LIPE: variants seen among roughly 807,000 people sequenced by gnomAD.
LIPE encodes the protein lipase E, hormone sensitive type.
In LIPE, 66 loss-of-function variants were observed where a neutral mutation model predicts 88.5. The observed-to-expected ratio is 0.75, with a 90% CI of 0.61 to 0.91. The LOEUF is 0.91. LIPE is among the 40% of genes least tolerant of loss of function. The pLI is 0.00. For missense variants in LIPE, 1,346 were observed against 1,434.7 expected (o/e 0.94, Z 1.00); for synonymous variants, 570 against 617.5 (o/e 0.92, Z 1.14).
chr19:42,424,092 G>A (rs2040659527), intron 1 of LIPE: 1 of 1,189,462 alleles, frequency 8.4e-7, no homozygotes, highest in Non-Finnish European at 1.1e-6. Flanking sequence ...AGAGCCGTTG[G>A]AGGAGGGAGC....
chr19:42,409,589 A>G (rs2147618847), intron 2 of LIPE, among the ~76,000 whole-genome samples: 1 of 152,188 alleles, frequency 6.6e-6, no homozygotes, highest in South Asian at 2.1e-4. Flanking sequence ...GGGGACGGAC[A>G]TTTTAAAGGG....
chr19:42,416,817 C>T (rs191456838), intron 1 of LIPE, among the ~76,000 whole-genome samples: 137 of 152,362 alleles, frequency 9.0e-4, no homozygotes, highest in African/African-American at 2.8e-3. Flanking sequence ...CCAAAGGGCC[C>T]TGGTGGAGTA....
At position 42,410,387 on chromosome 19, in the gene LIPE, C is replaced by T. The variant is rs778648244; in HGVS notation, c.1339G>A (p.Glu447Lys). 1.1e-5 allele frequency: 17 copies of T among 1,613,980 alleles called. No individual in the cohort carries two copies. Among genetic ancestry groups the T allele is most frequent in the Admixed American group, 1.7e-5 (1 of 60,006 alleles). The stretch of plus-strand genomic sequence containing the variant: ...CGGAGGAAGTCGGCGGTGAGCCCCT[C>T]GTCGCCCTCAAAGAAGAGTACCCCC... ...RPGVLFFEGD[E>K]GLTADFLREY... Residue 447 changes from glutamate (E) to lysine (K), a missense_variant, in exon 2 of 10, where the codon GAG becomes AAG. Glu to Lys is a moderately conservative substitution (Grantham distance 56). Coordinates refer to ENST00000244289, the MANE Select transcript of LIPE (RefSeq NM_005357.4). This position sits in a 1 kb window ranked among gnomAD's most constrained non-coding sequence, Gnocchi z 6.1.
chr19:42,425,009 T>C (rs1189578790), intron 1 of LIPE: 2 of 248,348 alleles, frequency 8.1e-6, no homozygotes, highest in Non-Finnish European at 1.6e-5. Context: ...CCTTGGCGGC[T>C]CCCGCACCTC....
chr19:42,416,848 C>T (rs918025548), intron 1 of LIPE, among the ~76,000 whole-genome samples: 2 of 152,170 alleles, frequency 1.3e-5, no homozygotes, highest in African/African-American at 4.8e-5. Flanking sequence ...TTTTCATGCC[C>T]GCTAACACAT....
Position 42,408,584 on chromosome 19 carries a change from G to C in LIPE, c.1420-262C>G. 1 of 481,722 alleles carries C rather than the reference G, an allele frequency of 2.1e-6. No individual in the cohort carries two copies. The highest frequency in any genetic ancestry group is 3.8e-6 in the Non-Finnish European group (1 of 262,382). The allele number at this position is 481,722 out of a possible 1,614,324, so 29.8% of individuals were successfully genotyped here. A position where few individuals can be genotyped will look rare whatever the true frequency, so the allele number is the denominator to read the frequency against. On this transcript the variant is annotated intron_variant, in intron 2 of 9. Transcript: ENST00000244289. This position sits in a 1 kb window ranked among gnomAD's most constrained non-coding sequence, Gnocchi z 4.3. ...GGTTTGGAAAAAAAAAAAGGCAGTAGGTGGAGAGGGCACCAGTGATGACTA... is the reference window on the plus strand; with the variant it reads ...GGTTTGGAAAAAAAAAAAGGCAGTACGTGGAGAGGGCACCAGTGATGACTA...
In LIPE at chr19:42,401,881, G is replaced by T. The variant is rs2039982622; in HGVS notation, c.3162C>A (p.Pro1054=). The change falls in exon 10 of 10, where the codon CCC becomes CCA. Residue 1054 remains proline (P), a synonymous_variant. Transcript: ENST00000244289. ...TCTCCCCGCTCGGCCCGGCTCCGGC[G>T]GGAGGAGTGAGGACGAGGCGGATGC... The part of the protein sequence containing the change: ...VERIRLVLTP[P]AGAGPSGETG... 3.9e-6 allele frequency: 6 copies of T among 1,535,744 alleles called. No individual in the cohort carries two copies. Among genetic ancestry groups the T allele is most frequent in the East Asian group, 5.0e-5 (2 of 40,232 alleles).
chr19:42,408,339 C>T lies in LIPE; in HGVS notation c.1420-17G>A. On this transcript the variant is annotated splice_polypyrimidine_tract_variant and intron_variant, in intron 2 of 9. Transcript: ENST00000244289. This position sits in a 1 kb window ranked among gnomAD's most constrained non-coding sequence, Gnocchi z 4.3. ...AGGCGTGAACTGTGGAGAGACGCGGCTGCGTCACCCACCGCTCAAGAGAGG... is the reference window on the plus strand; with the variant it reads ...AGGCGTGAACTGTGGAGAGACGCGGTTGCGTCACCCACCGCTCAAGAGAGG... The T allele has an allele frequency of 6.2e-7, 1 of 1,605,628 alleles. No homozygotes were observed. The highest frequency in any genetic ancestry group is 1.3e-5 in the African/African-American group (1 of 74,844).
chr19:42,420,238 G>A (rs2040571189), intron 1 of LIPE, among the ~76,000 whole-genome samples: 1 of 152,036 alleles, frequency 6.6e-6, no homozygotes, highest in African/African-American at 2.4e-5. Flanking sequence ...GTTTCTGTGT[G>A]CTGCTCCCTC....
At chr19:42,412,383 G>C in intron 1 of LIPE, 1 of 985,874 alleles carries the variant, frequency 1.0e-6, no homozygotes, top group Non-Finnish European at 1.2e-6. Flanking sequence ...GGCATCTTCC[G>C]AGCTTCCCTG....
At position 42,424,612 on chromosome 19, in the gene LIPE, G is replaced by C. The variant is rs779346440; in HGVS notation, c.883+1655C>G. The C allele has an allele frequency of 1.5e-4, 67 of 456,210 alleles. No homozygotes were observed. In the Middle Eastern group the frequency reaches 4.2e-3, roughly 29 times the overall value. 28.3% of individuals were successfully genotyped at this position (456,210 alleles called of 1,614,324 possible). On this transcript the variant is annotated intron_variant, in intron 1 of 9. Transcript: ENST00000244289. ...TGAGAAACGCGTTACTCTCTTATCA[G>C]CTGTGGGAGAGACAAGACAGACTGG... is the stretch of plus-strand genomic sequence containing the variant.
intron 1 of LIPE, chr19:42,424,431 G>T (rs2040669250): frequency 2.2e-6 from 1 of 456,314 alleles, no homozygotes; most frequent in African/African-American, 2.0e-5. Context: ...CTCGCCCGCC[G>T]CGGTGGTGTG....
chr19:42,407,627 G>T lies in LIPE; in HGVS notation c.1821C>A (p.Ser607=), dbSNP rs1393561940. The T allele has an allele frequency of 6.2e-7, 1 of 1,611,070 alleles. No homozygotes were observed. Among genetic ancestry groups the T allele is most frequent in the African/African-American group, 1.3e-5 (1 of 74,874 alleles). The change falls in exon 5 of 10, where the codon TCC becomes TCA. Residue 607 remains serine (S), a synonymous_variant. Transcript: ENST00000244289. The surrounding 1 kb of genome is among the most constrained non-coding windows in gnomAD (Gnocchi z 5.8). Reference sequence around the variant, plus strand: ...CTACCTGTCCTTCACGCAGGTCATAGGAGATGAGCCTGACGAGGACGGGCC... The same window carrying T: ...CTACCTGTCCTTCACGCAGGTCATATGAGATGAGCCTGACGAGGACGGGCC... ...GPGPVLVRLI[S]YDLREGQDSE...
At chr19:42,417,018 T>G (rs879652332) in intron 1 of LIPE, among the ~76,000 whole-genome samples, 3 of 152,232 alleles carry the variant, frequency 2.0e-5, no homozygotes, top group Non-Finnish European at 4.4e-5. Flanking sequence ...CCTCCCGGGT[T>G]CACGCCATTC....
In LIPE at chr19:42,401,905, G is replaced by C. The variant is rs1019587596; in HGVS notation, c.3138C>G (p.Arg1046=). The change falls in exon 10 of 10, where the codon CGC becomes CGG. Residue 1046 remains arginine (R), a synonymous_variant. Coordinates refer to ENST00000244289, the MANE Select transcript of LIPE (RefSeq NM_005357.4). ...CGGGAGGAGTGAGGACGAGGCGGAT[G>C]CGCTCCACGCACAGCTCTGCGGCCT... ...TRQAAELCVE[R]IRLVLTPPAG... is the part of the protein sequence containing the mutation. 7 of 1,548,524 alleles carry C rather than the reference G, an allele frequency of 4.5e-6. No homozygotes were observed. The Admixed American group carries it at 5.8e-5, about 13-fold the overall frequency.
rs1194309645 is a variant in LIPE at position 42,406,192 on chromosome 19, A to T, written c.2334T>A (p.Ser778Arg). The change falls in exon 7 of 10, where the codon AGT becomes AGA. Residue 778 changes from serine (S) to arginine (R), a missense_variant. Physicochemically the swap from Ser to Arg is moderately radical, Grantham distance 110. Transcript: ENST00000244289. This position sits in a 1 kb window ranked among gnomAD's most constrained non-coding sequence, Gnocchi z 5.7. The stretch of plus-strand genomic sequence containing the variant: ...AGGCGCTGACACACTTGGAGAGCAC[A>T]CTGAGGGGCAGCAAGGGGTCCATGA... ...LSLMDPLLPL[S>R]VLSKCVSAYA... is the part of the protein sequence containing the mutation. 1.2e-6 allele frequency: 2 copies of T among 1,613,092 alleles called. No individual in the cohort carries two copies. The highest frequency in any genetic ancestry group is 3.3e-5 in the Admixed American group (2 of 59,986).
chr19:42,402,209 A>T, intron 9 of LIPE, 134 bp from the exon 10 acceptor site: 1 of 853,954 alleles, frequency 1.2e-6, no homozygotes, highest in Non-Finnish European at 1.7e-6. Flanking sequence ...GAGGCAGGAG[A>T]CATGGTGGGT....
chr19:42,420,719 A>G (rs1054998062), intron 1 of LIPE, among the ~76,000 whole-genome samples: 2 of 152,048 alleles, frequency 1.3e-5, no homozygotes, highest in Non-Finnish European at 2.9e-5. Flanking sequence ...CTGGGTGACT[A>G]TGACAGATCT....
rs568904504 is a variant in LIPE, at chr19:42,405,559, C to T, written c.2368G>A (p.Ala790Thr). The part of the protein sequence containing the change: ...LSKCVSAYAG[A>T]KTEDHSNSDQ... ...GAGTTGGAGTGGTCCTCCGTCTTTG[C>T]ACCTGCAGAATATATGTGGGTAGCT... Residue 790 changes from alanine to threonine, a missense_variant and splice_region_variant, in exon 8 of 10, where the codon GCA becomes ACA. Transcript: ENST00000244289. 3.7e-5 allele frequency: 60 copies of T among 1,612,094 alleles called. No homozygotes were observed. The East Asian group carries it at 1.2e-3, about 34-fold the overall frequency.
Sources: allele counts gnomAD v4.1 joint callset (sites outside exome capture counted in the v4.1 genomes callset), GRCh38; gene constraint gnomAD v4.1.1; non-coding constraint Gnocchi (gnomAD v3.1); transcripts MANE v1.5; gene names NCBI Gene and HGNC (gene_info 2026-07-23, HGNC 2026-07-21).